F3: variants seen among roughly 807,000 people sequenced by gnomAD.
F3 encodes tissue factor.
F3 carries 18 observed loss-of-function variants against 33.5 expected under a neutral mutation model. The observed-to-expected ratio is 0.54, with a 90% CI of 0.37 to 0.80. The LOEUF (loss-of-function observed/expected upper bound fraction) is 0.80. Ranked by LOEUF, F3 falls within the 30% of genes least tolerant of loss-of-function variation. The pLI is 0.00. For synonymous variants in F3, 147 were observed against 140.7 expected (o/e 1.05, Z -0.32); for missense variants, 353 against 362.1 (o/e 0.97, Z 0.20).
At chr1:94,532,987 A>G in intron 4 of F3, 103 bp downstream of exon 4, 2 of 1,216,822 alleles carry the variant, frequency 1.6e-6, no homozygotes, top group Non-Finnish European at 2.3e-6. Context: ...CACCTTCTCA[A>G]CAACTCTGTT....
chr1:94,533,739 G>A (rs1651505397), intron 3 of F3, among the ~76,000 whole-genome samples: 1 of 152,038 alleles, frequency 6.6e-6, no homozygotes, highest in Admixed American at 6.6e-5. Flanking sequence ...TACTCAACAT[G>A]AAGATGACGA....
In F3 at chr1:94,540,281, T is replaced by C; in HGVS notation, c.188A>G (p.Asn63Ser). 3 of 1,613,360 alleles carry C rather than the reference T, an allele frequency of 1.9e-6. No homozygotes were observed. The highest frequency in any genetic ancestry group is 2.2e-5 in the East Asian group (1 of 44,872). Residue 63 changes from asparagine (N) to serine (S), a missense_variant, in exon 2 of 6, where the codon AAT becomes AGT. Coordinates refer to ENST00000334047, the MANE Select transcript of F3 (RefSeq NM_001993.5). The stretch of plus-strand genomic sequence containing the variant: ...CCTTATTTGAACAGTGTAGACTTGA[T>C]TGACGGGTTTGGGTTCCCACTCCAA... ...TILEWEPKPV[N>S]QVYTVQISTK...
At chr1:94,539,494 T>C (rs1253520728) in intron 2 of F3, among the ~76,000 whole-genome samples, 1 of 152,216 alleles carries the variant, frequency 6.6e-6, no homozygotes, top group Non-Finnish European at 1.5e-5. Flanking sequence ...ATTAAAATAA[T>C]TTCCACAGCA....
At chr1:94,531,677 C>A (rs1288756004) in intron 5 of F3, among the ~76,000 whole-genome samples, 1 of 152,202 alleles carries the variant, frequency 6.6e-6, no homozygotes, top group African/African-American at 2.4e-5. Context: ...AGGCATGGAT[C>A]GAGACACACA....
chr1:94,533,175 T>C lies in F3; in HGVS notation c.506A>G (p.Asn169Ser), dbSNP rs752548010. 5 of 1,613,950 alleles carry C rather than the reference T, an allele frequency of 3.1e-6. No homozygotes were observed. The highest frequency in any genetic ancestry group is 1.3e-5 in the African/African-American group (1 of 74,936). ...VEDERTLVRR[N>S]NTFLSLRDVF... is the part of the protein sequence containing the mutation. ...ATCCCGGAGGCTTAGGAAAGTGTTG[T>C]TCCTTCTGACTAAAGTCCGTTCATC... is the stretch of plus-strand genomic sequence containing the variant. The change falls in exon 4 of 6, where the codon AAC becomes AGC. Residue 169 changes from asparagine to serine, a missense_variant. Coordinates refer to ENST00000334047, the MANE Select transcript of F3 (RefSeq NM_001993.5).
At chr1:94,540,522 G>T in intron 1 of F3, 154 bp from the exon 2 acceptor site, 5 of 545,404 alleles carry the variant, frequency 9.2e-6, no homozygotes, top group East Asian at 6.3e-5. Flanking sequence ...AAGAGAAAAA[G>T]AATCTTCAAA....
At chr1:94,535,159 G>A (rs966221871) in intron 3 of F3, among the ~76,000 whole-genome samples, 4 of 152,026 alleles carry the variant, frequency 2.6e-5, no homozygotes, top group Admixed American at 6.6e-5. Flanking sequence ...GTTCTCTCTC[G>A]CTGGGCCTAA....
rs371434099 is a variant in F3, at chr1:94,536,072, G to A, written c.305C>T (p.Thr102Met). ...TDEIVKDVKQ[T>M]YLARVFSYPA... ...GTAGGAGAAGACCCGTGCCAAGTAC[G>A]TCTGCTTCACATCCTTCACAATCTC... The change falls in exon 3 of 6, where the codon ACG becomes ATG. Residue 102 changes from threonine to methionine, a missense_variant. Physicochemically the swap from Thr to Met is moderately conservative, Grantham distance 81. Coordinates refer to ENST00000334047, the MANE Select transcript of F3 (RefSeq NM_001993.5). The A allele has an allele frequency of 1.5e-5, 24 of 1,613,950 alleles. No individual in the cohort carries two copies. The highest frequency in any genetic ancestry group is 1.1e-4 in the South Asian group (10 of 91,080).
intron 2 of F3, among the ~76,000 whole-genome samples, chr1:94,538,426 C>T (rs964169163): frequency 6.6e-6 from 1 of 152,212 alleles, no homozygotes; most frequent in Non-Finnish European, 1.5e-5. Flanking sequence ...TGGAGCCAGG[C>T]TGCAGTAGTG....
intron 2 of F3, among the ~76,000 whole-genome samples, 190 bp from the exon 3 acceptor site, chr1:94,536,354 A>G (rs998814383): frequency 6.6e-6 from 1 of 152,010 alleles, no homozygotes; most frequent in Admixed American, 6.6e-5. Context: ...GGGTCCTGCT[A>G]TGTTGCCCAG....
Position 94,530,377 on chromosome 1 carries a change from T to G in F3, c.*83A>C. On this transcript the variant is annotated 3_prime_UTR_variant, in exon 6 of 6. Coordinates refer to ENST00000334047, the MANE Select transcript of F3 (RefSeq NM_001993.5). ...GTCTTCATGCTCCGAAATACTCATTTGCGTTTCCATGTATTCTATCCTCTT... is the reference window on the plus strand; with the variant it reads ...GTCTTCATGCTCCGAAATACTCATTGGCGTTTCCATGTATTCTATCCTCTT... The G allele has an allele frequency of 6.4e-7, 1 of 1,556,316 alleles. No homozygotes were observed. The highest frequency in any genetic ancestry group is 1.2e-5 in the South Asian group (1 of 85,564).
At position 94,529,484 on chromosome 1, in the gene F3, ACT is replaced by A. The variant is rs1302438324; in HGVS notation, c.*974_*975del. Reference sequence around the variant, plus strand: ...AAGCTTTAAGTACCTTAAATCATAAACTCTGTAGTTTGTATAGTAGTCTTATA... The same window carrying A: ...AAGCTTTAAGTACCTTAAATCATAAACTGTAGTTTGTATAGTAGTCTTATA... On this transcript the variant is annotated 3_prime_UTR_variant, in exon 6 of 6. Transcript: ENST00000334047. 2.0e-5 allele frequency: 3 copies of A among 152,678 alleles called. No individual in the cohort carries two copies. The East Asian group carries it at 5.8e-4, about 29-fold the overall frequency. 9.5% of individuals were successfully genotyped at this position (152,678 alleles called of 1,614,324 possible). A position where few individuals can be genotyped will look rare whatever the true frequency, so the allele number is the denominator to read the frequency against.
At chr1:94,533,835 T>C (rs1651507571) in intron 3 of F3, among the ~76,000 whole-genome samples, 1 of 151,800 alleles carries the variant, frequency 6.6e-6, no homozygotes, top group Admixed American at 6.6e-5. Flanking sequence ...TCTTCCTTCC[T>C]TCTTTCTTTT....
In F3 at chr1:94,541,457, C is replaced by G. The variant is rs576173705; in HGVS notation, c.100+80G>C. The G allele has an allele frequency of 6.0e-6, 7 of 1,160,880 alleles. No individual in the cohort carries two copies. The Admixed American group carries it at 1.5e-4, about 25-fold the overall frequency. 71.9% of individuals were successfully genotyped at this position (1,160,880 alleles called of 1,614,324 possible). ...ACATGGGCGCCCCGGGGAACCAGGG[C>G]GAGCCCGCTGCCAGCCAGGACTGTC... On this transcript the variant is annotated intron_variant, in intron 1 of 5. Coordinates refer to ENST00000334047, the MANE Select transcript of F3 (RefSeq NM_001993.5).
chr1:94,541,303 T>G (rs1265751785), intron 1 of F3, among the ~76,000 whole-genome samples: 3 of 152,098 alleles, frequency 2.0e-5, no homozygotes, highest in Admixed American at 2.0e-4. Context: ...AGCAAAACTC[T>G]CCAGCGGAAG....
chr1:94,536,072 G>C lies in F3; in HGVS notation c.305C>G (p.Thr102Arg). The change falls in exon 3 of 6, where the codon ACG becomes AGG. Residue 102 changes from threonine to arginine, a missense_variant. Physicochemically the swap from Thr to Arg is moderately conservative, Grantham distance 71 (BLOSUM62 -1). Coordinates refer to ENST00000334047, the MANE Select transcript of F3 (RefSeq NM_001993.5). ...GTAGGAGAAGACCCGTGCCAAGTAC[G>C]TCTGCTTCACATCCTTCACAATCTC... ...TDEIVKDVKQ[T>R]YLARVFSYPA... 1 of 1,614,068 alleles carries C rather than the reference G, an allele frequency of 6.2e-7. No homozygotes were observed. Among genetic ancestry groups the C allele is most frequent in the South Asian group, 1.1e-5 (1 of 91,076 alleles).
At chr1:94,540,178 G>A in intron 2 of F3, 79 bp downstream of exon 2, 9 of 924,406 alleles carry the variant, frequency 9.7e-6, no homozygotes, top group Non-Finnish European at 1.6e-5. Context: ...CCAGTAATCA[G>A]CTTTAAAGAC....
At chr1:94,534,619 A>C (rs968040984) in intron 3 of F3, among the ~76,000 whole-genome samples, 3 of 152,162 alleles carry the variant, frequency 2.0e-5, no homozygotes, top group Non-Finnish European at 2.9e-5. Flanking sequence ...GTTCAAAAAT[A>C]TGTAGGGCTG....
chr1:94,537,009 T>C (rs1344301980), intron 2 of F3, among the ~76,000 whole-genome samples: 1 of 152,174 alleles, frequency 6.6e-6, no homozygotes, highest in Non-Finnish European at 1.5e-5. Flanking sequence ...GAAGGTCACA[T>C]ATCTAACGAG....
Sources: allele counts gnomAD v4.1 joint callset (sites outside exome capture counted in the v4.1 genomes callset), GRCh38; gene constraint gnomAD v4.1.1; transcripts MANE v1.5; gene names NCBI Gene and HGNC (gene_info 2026-07-23, HGNC 2026-07-21).